Variants in GRIK2 observed in about 807,000 individuals in gnomAD.
The protein encoded by GRIK2 is glutamate receptor ionotropic, kainate 2.
Under a neutral mutation model 100.3 loss-of-function variants are expected in GRIK2, and 32 were observed. The ratio of observed to expected loss-of-function variants is 0.32; its 90% CI spans 0.24 to 0.43. GRIK2 has a LOEUF of 0.43. GRIK2 is among the 20% of genes least tolerant of loss of function. The probability of loss-of-function intolerance (pLI) is 1.00; values close to 1 mark genes in which losing one functional copy is unlikely to be tolerated. For missense variants in GRIK2, 843 were observed against 1,114.9 expected, an observed-to-expected ratio of 0.76 and a Z score of 3.47; for synonymous variants, 417 against 389.4, an observed-to-expected ratio of 1.07 and a Z score of -0.83.
chr6:101,721,477 T>C (rs1454816125), intron 7 of GRIK2, among the ~76,000 whole-genome samples: 1 of 151,940 alleles, frequency 6.6e-6, no homozygotes, highest in Non-Finnish European at 1.5e-5. Flanking sequence ...GAGGATCACC[T>C]GAGCCCAGGG....
At chr6:101,761,826 C>CCTTTGT (rs1554259762) in intron 7 of GRIK2, among the ~76,000 whole-genome samples, 2 of 116,406 alleles carry the variant, frequency 1.7e-5, no homozygotes, top group Admixed American at 1.2e-4. Flanking sequence ...CTTTTCTTTT[C>CCTTTGT]TTCCTTTGTT....
At chr6:101,859,263 T>G in intron 10 of GRIK2, 24 bp from the exon 11 acceptor site, 2 of 1,279,454 alleles carry the variant, frequency 1.6e-6, no homozygotes, top group Non-Finnish European at 2.3e-6. Flanking sequence ...TGTTACCTCT[T>G]TTCTTCTTTT....
intron 2 of GRIK2, among the ~76,000 whole-genome samples, chr6:101,413,584 A>G (rs537061647): frequency 1.4e-3 from 209 of 152,248 alleles, no homozygotes; most frequent in Middle Eastern, 0.014. Context: ...GAAATACATT[A>G]CATGGGGGAT....
At chr6:101,915,844 G>C (rs1010948827) in intron 12 of GRIK2, among the ~76,000 whole-genome samples, 1 of 151,370 alleles carries the variant, frequency 6.6e-6, no homozygotes, top group Non-Finnish European at 1.5e-5. Context: ...TGAAAAATAA[G>C]CAATCTATCC....
intron 2 of GRIK2, among the ~76,000 whole-genome samples, chr6:101,600,433 A>G (rs1225092944): frequency 1.3e-5 from 2 of 151,670 alleles, no homozygotes; most frequent in East Asian, 3.9e-4. Flanking sequence ...CTAGTTTTGT[A>G]AAAAAATGGC....
chr6:101,579,405 CTCTT>C (rs1187117748), intron 2 of GRIK2, among the ~76,000 whole-genome samples: 1 of 151,978 alleles, frequency 6.6e-6, no homozygotes, highest in Non-Finnish European at 1.5e-5. Context: ...CTTTTCTTTT[CTCTT>C]TGTCTCTTTA....
rs138423557 is a variant in GRIK2 at position 101,843,109 on chromosome 6, G to T, written c.1318-16178G>T. Among the ~76,000 whole-genome samples the T allele has an allele frequency of 2.2e-3, 327 of 152,060 alleles. 2 individuals carry two copies. The highest frequency in any genetic ancestry group is 7.6e-3 in the African/African-American group (317 of 41,462). On this transcript the variant is annotated intron_variant, in intron 10 of 16. Coordinates refer to ENST00000369134, the MANE Select transcript of GRIK2 (RefSeq NM_021956.5). ...CAAATTTATTCGATCTTTAAGTAGT[G>T]AAAAATACATAAAGAGAATATTGAA...
chr6:101,416,118 C>G (rs566906095), intron 2 of GRIK2, among the ~76,000 whole-genome samples: 1 of 152,252 alleles, frequency 6.6e-6, no homozygotes, highest in African/African-American at 2.4e-5. Flanking sequence ...GGTGGTTGGA[C>G]CCCTGCAGAA....
At chr6:101,478,972 G>A (rs922447844) in intron 2 of GRIK2, among the ~76,000 whole-genome samples, 44 of 152,098 alleles carry the variant, frequency 2.9e-4, no homozygotes, top group African/African-American at 8.9e-4. Context: ...CATGCTGATG[G>A]TAGCTACAAA....
In GRIK2 at chr6:101,428,297, T is replaced by C. The variant is rs74429049; in HGVS notation, c.115+28905T>C. Among the ~76,000 whole-genome samples, 870 of 152,334 alleles carry C rather than the reference T, an allele frequency of 5.7e-3. 3 individuals are homozygous for C. The highest frequency in any genetic ancestry group is 0.02 in the African/African-American group (843 of 41,580). On this transcript the variant is annotated intron_variant, in intron 2 of 16. Transcript: ENST00000369134. ...TTAATACAGCTTTGATTTGTTAACA[T>C]GCAGTTTTTAAAAATGCTGCCTTCC...
intron 7 of GRIK2, among the ~76,000 whole-genome samples, chr6:101,737,094 G>A (rs759612309): frequency 2.6e-5 from 4 of 151,980 alleles, no homozygotes; most frequent in Non-Finnish European, 5.9e-5. Context: ...GACCACCTCA[G>A]CCTTGATTTC....
intron 7 of GRIK2, among the ~76,000 whole-genome samples, chr6:101,783,615 T>C (rs1779242062): frequency 6.6e-6 from 1 of 152,176 alleles, no homozygotes; most frequent in South Asian, 2.1e-4. Context: ...AGCTTCAAAG[T>C]ACACAGGAAA....
intron 7 of GRIK2, among the ~76,000 whole-genome samples, chr6:101,758,115 T>C (rs1777247521): frequency 1.3e-5 from 2 of 152,048 alleles, no homozygotes; most frequent in South Asian, 4.1e-4. Flanking sequence ...CCCAGCTACT[T>C]GGGAGGCTGA....
chr6:101,666,156 G>A (rs555247802), intron 4 of GRIK2, among the ~76,000 whole-genome samples: 1 of 152,244 alleles, frequency 6.6e-6, no homozygotes, highest in African/African-American at 2.4e-5. Flanking sequence ...ACTGAAAGCT[G>A]TTATACTCAT....
chr6:101,564,800 A>G (rs930344438), intron 2 of GRIK2, among the ~76,000 whole-genome samples: 2 of 152,094 alleles, frequency 1.3e-5, no homozygotes, highest in African/African-American at 4.8e-5. Context: ...GCAAAGTAAC[A>G]TTTCCCAAAC....
At chr6:101,572,845 T>TATTTA (rs1449092516) in intron 2 of GRIK2, among the ~76,000 whole-genome samples, 4 of 149,324 alleles carry the variant, frequency 2.7e-5, no homozygotes, top group Non-Finnish European at 5.9e-5. Flanking sequence ...TTTATTTATT[T>TATTTA]ATTTATTTAT....
chr6:101,440,525 A>G (rs1769986088), intron 2 of GRIK2, among the ~76,000 whole-genome samples: 1 of 152,192 alleles, frequency 6.6e-6, no homozygotes, highest in Admixed American at 6.6e-5. Context: ...CTTTGAAGGA[A>G]AATCATTTGA....
At chr6:101,874,275 A>G (rs1785648634) in intron 11 of GRIK2, among the ~76,000 whole-genome samples, 1 of 152,094 alleles carries the variant, frequency 6.6e-6, no homozygotes, top group African/African-American at 2.4e-5. Flanking sequence ...ATTTTTGTAT[A>G]AGGTGTAAGG....
At chr6:101,817,189 A>G (rs1781687817) in intron 9 of GRIK2, among the ~76,000 whole-genome samples, 1 of 152,182 alleles carries the variant, frequency 6.6e-6, no homozygotes, top group African/African-American at 2.4e-5. Context: ...TTTCCTTCCT[A>G]ACACCAACAT....
Sources: allele counts gnomAD v4.1 joint callset (sites outside exome capture counted in the v4.1 genomes callset), GRCh38; gene constraint gnomAD v4.1.1; transcripts MANE v1.5; gene names NCBI Gene and HGNC (gene_info 2026-07-23, HGNC 2026-07-21).